SLC35E4: variants seen among roughly 807,000 people sequenced by gnomAD.
The protein encoded by SLC35E4 is solute carrier family 35, member E4.
SLC35E4 carries 15 observed loss-of-function variants against 19.3 expected under a neutral mutation model. The observed-to-expected ratio is 0.78, with a 90% CI of 0.52 to 1.20. SLC35E4 has a LOEUF of 1.20. Ranked by LOEUF, SLC35E4 falls within the 50% of genes most tolerant of loss-of-function variation. The pLI is 0.00. For missense variants in SLC35E4, 406 were observed against 472.3 expected, an observed-to-expected ratio of 0.86 and a Z score of 1.30; for synonymous variants, 219 against 219.9, an observed-to-expected ratio of 1.00 and a Z score of 0.04.
At chr22:30,665,631 T>C (rs2088622308), downstream of SLC35E4, 12 of 451,722 alleles carry the variant, frequency 2.7e-5, no homozygotes, top group South Asian at 1.9e-4. Context: ...CTCCAGGCTT[T>C]CTTAGCCCTA....
chr22:30,664,447 C>G (rs554879720), downstream of SLC35E4, among the ~76,000 whole-genome samples: 2 of 152,210 alleles, frequency 1.3e-5, no homozygotes, highest in Admixed American at 6.5e-5. Context: ...TGGCCTGATT[C>G]TCCATTTAAG....
chr22:30,642,322 A>G (rs1323204236), intron 1 of SLC35E4, among the ~76,000 whole-genome samples: 5 of 152,134 alleles, frequency 3.3e-5, no homozygotes, highest in Non-Finnish European at 5.9e-5. Context: ...TAGGTTTTGA[A>G]CAAAAGGTTT....
At chr22:30,654,042 C>T (rs1032606905) in intron 2 of SLC35E4, 2 of 158,526 alleles carry the variant, frequency 1.3e-5, no homozygotes, top group South Asian at 1.7e-4. Context: ...TGCAGTGGCG[C>T]GATCTCGGCT....
At chr22:30,638,123 TG>T (rs1417525782) in intron 1 of SLC35E4, among the ~76,000 whole-genome samples, 1 of 152,036 alleles carries the variant, frequency 6.6e-6, no homozygotes, top group African/African-American at 2.4e-5. Flanking sequence ...CCCAGCACTT[TG>T]GGAGGCTGAG....
At chr22:30,653,151 G>A (rs1195825063) in intron 2 of SLC35E4, among the ~76,000 whole-genome samples, 1 of 152,176 alleles carries the variant, frequency 6.6e-6, no homozygotes, top group Non-Finnish European at 1.5e-5. Flanking sequence ...GCTGGTGGCT[G>A]CCTTCTGTGC....
downstream of SLC35E4, chr22:30,665,028 G>C (rs2088597444): frequency 1.3e-5 from 2 of 152,698 alleles, no homozygotes; most frequent in Admixed American, 1.3e-4. Flanking sequence ...CCGCGCCGCA[G>C]ACCGTGCAGT....
Position 30,654,774 on chromosome 22 carries a change from T to C in SLC35E4, c.*8+5521T>C, listed in dbSNP as rs150502404. 2.1e-5 allele frequency: 5 copies of C among 237,552 alleles called. No homozygotes were observed. In the East Asian group the frequency reaches 7.1e-4, roughly 34 times the overall value. The allele number at this position is 237,552 out of a possible 1,614,324, so 14.7% of individuals were successfully genotyped here. A position where few individuals can be genotyped will look rare whatever the true frequency, so the allele number is the denominator to read the frequency against. ...CATGGCCCTCAGGAAGCCCAGGAGATAGCTTTGACCATTGAGCACCGGGAC... is the reference window on the plus strand; with the variant it reads ...CATGGCCCTCAGGAAGCCCAGGAGACAGCTTTGACCATTGAGCACCGGGAC... On this transcript the variant is annotated intron_variant, in intron 2 of 2. Coordinates refer to the SLC35E4 transcript ENST00000406566.
chr22:30,644,071 T>C (rs557434419), intron 1 of SLC35E4, among the ~76,000 whole-genome samples: 153 of 152,282 alleles, frequency 1.0e-3, no homozygotes, highest in African/African-American at 3.6e-3. Context: ...AAAGGTGAAG[T>C]TCACCTGAAA....
chr22:30,662,517 T>C (rs1372358170), exon 3 of SLC35E4: 2 of 152,154 alleles, frequency 1.3e-5, no homozygotes, highest in African/African-American at 4.8e-5. Flanking sequence ...CCATGTACAA[T>C]AGCACTCACA....
chr22:30,659,884 A>G (rs1431864714), intron 2 of SLC35E4, among the ~76,000 whole-genome samples: 1 of 152,208 alleles, frequency 6.6e-6, no homozygotes, highest in African/African-American at 2.4e-5. Flanking sequence ...CAGAAGGAAA[A>G]GTTAGAAGTA....
chr22:30,659,111 G>A (rs182133439), intron 2 of SLC35E4, among the ~76,000 whole-genome samples: 8 of 124,446 alleles, frequency 6.4e-5, no homozygotes, highest in Non-Finnish European at 9.7e-5. Flanking sequence ...GCGACACAGC[G>A]AGACTCCATC....
chr22:30,661,186 T>A (rs1263371614), intron 2 of SLC35E4, among the ~76,000 whole-genome samples: 1 of 151,842 alleles, frequency 6.6e-6, no homozygotes, highest in East Asian at 1.9e-4. Flanking sequence ...GGAAAAAAAA[T>A]CTACAATAGC....
chr22:30,660,593 G>A (rs2088437376), intron 2 of SLC35E4, among the ~76,000 whole-genome samples: 2 of 152,196 alleles, frequency 1.3e-5, no homozygotes, highest in Non-Finnish European at 2.9e-5. Flanking sequence ...AACAATACTT[G>A]AAGAAATCAT....
chr22:30,667,913 C>T (rs1279983662), downstream of SLC35E4: 3 of 152,648 alleles, frequency 2.0e-5, no homozygotes, highest in Non-Finnish European at 1.5e-5. Flanking sequence ...GCCCCGCCCC[C>T]TTATGCGTCT....
At chr22:30,639,851 T>C (rs1410301928) in intron 1 of SLC35E4, among the ~76,000 whole-genome samples, 1 of 152,154 alleles carries the variant, frequency 6.6e-6, no homozygotes, top group Admixed American at 6.6e-5. Context: ...GTTAACGCAA[T>C]CATCACAGGG....
chr22:30,649,352 G>T, downstream of SLC35E4: 1 of 675,180 alleles, frequency 1.5e-6, no homozygotes, highest in Non-Finnish European at 2.8e-6. Context: ...AGGACTAGGA[G>T]CTAGACCAGG....
At position 30,637,067 on chromosome 22, in the gene SLC35E4, AAAGT is replaced by A. The variant is rs1310006138; in HGVS notation, c.619+3_619+6del. 1.9e-6 allele frequency: 3 copies of A among 1,560,384 alleles called. No homozygotes were observed. Among genetic ancestry groups the A allele is most frequent in the African/African-American group, 2.7e-5 (2 of 73,802 alleles). On this transcript the variant is annotated splice_donor_variant and coding_sequence_variant, in exon 1 of 2. Coordinates refer to ENST00000343605, the MANE Select transcript of SLC35E4 (RefSeq NM_001001479.4). LOFTEE classifies it high-confidence loss of function. ...CTCCGCGGACTCAAGTCGGTTCAGC[AAAGT>A]AAGTGCCTGGGTGGCCAATTGAGAA...
intron 1 of SLC35E4, among the ~76,000 whole-genome samples, chr22:30,645,855 C>G (rs1408512720): frequency 1.4e-5 from 2 of 142,220 alleles, no homozygotes; most frequent in Non-Finnish European, 3.0e-5. Context: ...GGGTCTCGCT[C>G]TGTTGCCCAG....
chr22:30,644,904 T>TCC (rs1364307902), intron 1 of SLC35E4, among the ~76,000 whole-genome samples: 1 of 151,954 alleles, frequency 6.6e-6, no homozygotes, highest in Non-Finnish European at 1.5e-5. Flanking sequence ...AGCAGCAAGA[T>TCC]CCCCTCCTGC....
Sources: gnomAD v4.1 joint callset for allele counts (sites outside exome capture counted in the v4.1 genomes callset) on GRCh38, gnomAD v4.1.1 for gene constraint, MANE v1.5 for transcripts, NCBI Gene and HGNC (gene_info 2026-07-23, HGNC 2026-07-21) for gene names.